The following SCLY variants were observed in gnomAD, a reference collection of about 807,000 sequenced individuals.
SCLY encodes putative selenocysteine lyase.
Under a neutral mutation model 50.1 loss-of-function variants are expected in SCLY, and 38 were observed. That is an observed-to-expected ratio of 0.76 (90% CI 0.59 to 0.99). SCLY has a LOEUF of 0.99. Among genes scored for constraint, SCLY ranks in the 50% least tolerant of loss-of-function variants. SCLY has a pLI of 0.00. For missense variants in SCLY, 600 were observed against 620.0 expected (o/e 0.97, Z 0.34); for synonymous variants, 243 against 249.4 (o/e 0.97, Z 0.24).
At position 238,069,598 on chromosome 2, in the gene SCLY, T is replaced by G; in HGVS notation, c.484+121T>G. On this transcript the variant is annotated intron_variant, in intron 4 of 11. Transcript: ENST00000254663. This position sits in a 1 kb window ranked among gnomAD's most constrained non-coding sequence, Gnocchi z 5.0. ...GATGTAGATTCAGTGTGCCACTCAC[T>G]GTAACTCACTGGTTCTGATGAGGAG... The G allele has an allele frequency of 1.1e-6, 1 of 903,956 alleles. No homozygotes were observed. The highest frequency in any genetic ancestry group is 3.4e-5 in the Admixed American group (1 of 29,056). The allele number at this position is 903,956 out of a possible 1,614,324, so 56.0% of individuals were successfully genotyped here.
intron 7 of SCLY, among the ~76,000 whole-genome samples, chr2:238,088,259 C>A (rs569440335): frequency 6.6e-6 from 1 of 152,100 alleles, no homozygotes; most frequent in East Asian, 1.9e-4. Context: ...GTCAGGAGTT[C>A]GGGCCCAGCC....
Position 238,098,612 on chromosome 2 carries a change from C to T in SCLY, c.*257C>T, listed in dbSNP as rs866022072. On this transcript the variant is annotated 3_prime_UTR_variant, in exon 12 of 12. Transcript: ENST00000254663. ...ACATAGGACCGCCCACATAGGACCG[C>T]CCACATGGGACCGCCCACATGGGAC... is the stretch of plus-strand genomic sequence containing the variant. 3.2e-4 allele frequency: 133 copies of T among 410,738 alleles called. 3 individuals are homozygous for T. The highest frequency in any genetic ancestry group is 1.3e-3 in the African/African-American group (57 of 43,336). The allele number at this position is 410,738 out of a possible 1,614,324, so 25.4% of individuals were successfully genotyped here.
At chr2:238,084,618 A>G (rs7579980) in intron 7 of SCLY, among the ~76,000 whole-genome samples, 108,286 of 126,804 alleles carry the variant, frequency 0.85, 46,407 homozygotes, top group East Asian at 0.97. Flanking sequence ...AAAAAAGCCC[A>G]GCACGGTGGC....
intron 4 of SCLY, chr2:238,081,321 G>A (rs151020352): frequency 1.8e-3 from 316 of 173,568 alleles, no homozygotes; most frequent in African/African-American, 6.5e-3. Context: ...GGCAGTCAGC[G>A]CCTGGCGCGT....
intron 10 of SCLY, chr2:238,095,664 T>C (rs1206927100): frequency 6.6e-6 from 1 of 152,204 alleles, no homozygotes; most frequent in Admixed American, 6.5e-5. Context: ...TCTGTCAACG[T>C]TCCCCTTGTT....
chr2:238,091,125 G>A, intron 7 of SCLY, 93 bp from the exon 8 acceptor site: 1 of 1,193,698 alleles, frequency 8.4e-7, no homozygotes, highest in East Asian at 2.3e-5. Context: ...TGTAGCGTGA[G>A]TTTGATTTTA....
intron 8 of SCLY, 104 bp downstream of exon 8, chr2:238,091,358 C>T: frequency 1.1e-6 from 1 of 932,810 alleles, no homozygotes; most frequent in East Asian, 2.4e-5. Flanking sequence ...TATTCGTGAT[C>T]TCATAAGCGG....
rs148725274 is a variant in SCLY at position 238,073,529 on chromosome 2, T to A, written c.484+4052T>A. ...TACTTTAATTTCTTCCAGCAATTTT[T>A]GCAGTTTTCAGGATTAAGTTTTTGC... On this transcript the variant is annotated intron_variant, in intron 4 of 11. Transcript: ENST00000254663. 1.9e-3 allele frequency among the ~76,000 whole-genome samples: 284 copies of A among 152,390 alleles called. 1 individual carries two copies. Among genetic ancestry groups the A allele is most frequent in the African/African-American group, 6.4e-3 (268 of 41,592 alleles).
chr2:238,067,474 G>A lies in SCLY; in HGVS notation c.203-591G>A, dbSNP rs2065081624. Reference sequence around the variant, plus strand: ...CCCATGCCAGAGCCTTTCCTTCTTTGCCCCATCAAGCATGGTTGCTGTGTT... The same window carrying A: ...CCCATGCCAGAGCCTTTCCTTCTTTACCCCATCAAGCATGGTTGCTGTGTT... On this transcript the variant is annotated intron_variant, in intron 2 of 11. Transcript: ENST00000254663. This position sits in a 1 kb window ranked among gnomAD's most constrained non-coding sequence, Gnocchi z 4.3. 6.6e-6 allele frequency among the ~76,000 whole-genome samples: 1 copy of A among 152,100 alleles called. No individual in the cohort carries two copies.
At position 238,098,590 on chromosome 2, in the gene SCLY, T is replaced by TGGGAACGCCCACAC. The variant is rs1559254426; in HGVS notation, c.*235_*236insGGGAACGCCCACAC. The TGGGAACGCCCACAC allele has an allele frequency of 2.4e-6, 1 of 421,484 alleles. No homozygotes were observed. Among genetic ancestry groups the TGGGAACGCCCACAC allele is most frequent in the African/African-American group, 2.1e-5 (1 of 47,286 alleles). The allele number at this position is 421,484 out of a possible 1,614,324, so 26.1% of individuals were successfully genotyped here. ...GACTGCCCACATGGGACCGCCCACA[T>TGGGAACGCCCACAC]AGGACCGCCCACATAGGACCGCCCA... On this transcript the variant is annotated 3_prime_UTR_variant, in exon 12 of 12. Coordinates refer to ENST00000254663, the MANE Select transcript of SCLY (RefSeq NM_016510.7).
intron 6 of SCLY, among the ~76,000 whole-genome samples, chr2:238,082,418 G>T (rs1205476751): frequency 6.6e-6 from 1 of 152,262 alleles, no homozygotes; most frequent in Non-Finnish European, 1.5e-5. Context: ...AGGGATGATG[G>T]GGGGGGTGCC....
At chr2:238,061,270 G>A (rs934745993) in intron 1 of SCLY, 127 bp downstream of exon 1, 2 of 774,596 alleles carry the variant, frequency 2.6e-6, no homozygotes, top group African/African-American at 3.5e-5. Context: ...GGGGATGTCC[G>A]CGAGGTCGGC....
chr2:238,091,946 C>CG, intron 8 of SCLY: 1 of 152,760 alleles, frequency 6.5e-6, no homozygotes, highest in Non-Finnish European at 1.5e-5. Context: ...CCATGTCGGC[C>CG]TCAGTATCCC....
At chr2:238,085,600 G>A (rs747668279) in intron 7 of SCLY, among the ~76,000 whole-genome samples, 3 of 151,650 alleles carry the variant, frequency 2.0e-5, no homozygotes, top group Non-Finnish European at 4.4e-5. Flanking sequence ...GGTGGCACAC[G>A]CCTATAGTCC....
intron 7 of SCLY, among the ~76,000 whole-genome samples, chr2:238,086,871 G>A (rs546314923): frequency 6.6e-6 from 1 of 151,964 alleles, no homozygotes; most frequent in South Asian, 2.1e-4. Flanking sequence ...AATATAAAAT[G>A]AGCCGGGTGT....
At chr2:238,076,463 CAT>C (rs1398295401) in intron 4 of SCLY, among the ~76,000 whole-genome samples, 5 of 134,884 alleles carry the variant, frequency 3.7e-5, no homozygotes, top group Admixed American at 2.2e-4. Flanking sequence ...CTACATTCCA[CAT>C]GTTTTAGTAT....
chr2:238,097,622 G>T (rs1208645197), intron 11 of SCLY, among the ~76,000 whole-genome samples: 2 of 152,014 alleles, frequency 1.3e-5, no homozygotes, highest in African/African-American at 4.8e-5. Flanking sequence ...GGGGCCCTTT[G>T]TTGGGGGGAC....
intron 4 of SCLY, among the ~76,000 whole-genome samples, chr2:238,074,197 T>C (rs2065151777): frequency 6.6e-6 from 1 of 151,892 alleles, no homozygotes; most frequent in South Asian, 2.1e-4. Flanking sequence ...TCCCAGCTAC[T>C]TGGGAGGCTG....
At chr2:238,096,756 C>G in intron 10 of SCLY, 45 bp from the exon 11 acceptor site, 1 of 1,575,296 alleles carries the variant, frequency 6.3e-7, no homozygotes. Context: ...AGAAGGGCAA[C>G]CTGGCTGGAG....
Sources: allele counts gnomAD v4.1 joint callset (sites outside exome capture counted in the v4.1 genomes callset), GRCh38; gene constraint gnomAD v4.1.1; non-coding constraint Gnocchi (gnomAD v3.1); transcripts MANE v1.5; gene names NCBI Gene and HGNC (gene_info 2026-07-23, HGNC 2026-07-21).